Variants in SLC4A7 observed in about 807,000 individuals in gnomAD.
The protein encoded by SLC4A7 is solute carrier family 4 member 7.
SLC4A7 carries 51 observed loss-of-function variants against 137.6 expected under a neutral mutation model. The ratio of observed to expected loss-of-function variants is 0.37; its 90% CI spans 0.30 to 0.47. The LOEUF (loss-of-function observed/expected upper bound fraction) is 0.47, where lower values mean the gene tolerates loss of function less well. Among genes scored for constraint, SLC4A7 ranks in the 20% least tolerant of loss-of-function variants. The probability of loss-of-function intolerance (pLI) is 1.00; values close to 1 mark genes in which losing one functional copy is unlikely to be tolerated. For synonymous variants in SLC4A7, 542 were observed against 518.6 expected, an observed-to-expected ratio of 1.05 and a Z score of -0.61; for missense variants, 1,247 against 1,525.4, an observed-to-expected ratio of 0.82 and a Z score of 3.04.
chr3:27,460,950 A>G (rs780449554), intron 1 of SLC4A7, among the ~76,000 whole-genome samples: 9 of 152,228 alleles, frequency 5.9e-5, no homozygotes, highest in Non-Finnish European at 1.2e-4. Flanking sequence ...CCTTTACAAC[A>G]TGACTCAAGT....
chr3:27,404,333 CT>C (rs2053113735), intron 14 of SLC4A7, among the ~76,000 whole-genome samples: 1 of 152,182 alleles, frequency 6.6e-6, no homozygotes, highest in Non-Finnish European at 1.5e-5. Context: ...CACCACTGCA[CT>C]CCAGCCTGGG....
rs368828049 is a variant in SLC4A7, at chr3:27,440,635, G to A, written c.290-3109C>T. Among the ~76,000 whole-genome samples the A allele has an allele frequency of 1.1e-4, 16 of 152,188 alleles. No homozygotes were observed. The East Asian group carries it at 2.9e-3, about 28-fold the overall frequency. ...CCCAGCTACTCAGGAGGCTGAGGCA[G>A]GAGAATCACTTGAACCCAGGAGGCA... On this transcript the variant is annotated intron_variant, in intron 3 of 25. Coordinates refer to ENST00000454389, the MANE Select transcript of SLC4A7 (RefSeq NM_001321103.2).
chr3:27,376,863 T>C lies in SLC4A7; in HGVS notation c.3699-18A>G, dbSNP rs746108826. 1 of 1,277,966 alleles carries C rather than the reference T, an allele frequency of 7.8e-7. No homozygotes were observed. The highest frequency in any genetic ancestry group is 1.1e-6 in the Non-Finnish European group (1 of 927,132). The allele number at this position is 1,277,966 out of a possible 1,614,324, so 79.2% of individuals were successfully genotyped here. ...TATCAGGACTATTTAAAACAAAGAA[T>C]TAAAATAAATAATTTTAAAATATAA... is the stretch of plus-strand genomic sequence containing the variant. On this transcript the variant is annotated intron_variant, in intron 25 of 25. Coordinates refer to ENST00000454389, the MANE Select transcript of SLC4A7 (RefSeq NM_001321103.2).
chr3:27,446,891 T>G (rs1376265690), intron 3 of SLC4A7, among the ~76,000 whole-genome samples: 8 of 59,608 alleles, frequency 1.3e-4, no homozygotes, highest in Non-Finnish European at 1.9e-4. Context: ...TTTTGTTTTT[T>G]TTGTTTTTTT....
intron 1 of SLC4A7, chr3:27,456,941 G>A (rs1368053802): frequency 2.0e-6 from 2 of 984,826 alleles, no homozygotes; most frequent in Middle Eastern, 5.2e-4. Flanking sequence ...AAAATACCAA[G>A]AGGAATGCAG....
chr3:27,380,157 A>C (rs189644875), intron 24 of SLC4A7, among the ~76,000 whole-genome samples: 2 of 152,210 alleles, frequency 1.3e-5, no homozygotes, highest in Admixed American at 1.3e-4. Context: ...AAATATAAAA[A>C]TTAGCCGGGT....
chr3:27,389,862 A>G (rs1362498872), intron 22 of SLC4A7, 69 bp downstream of exon 22: 1 of 1,151,992 alleles, frequency 8.7e-7, no homozygotes, highest in African/African-American at 1.6e-5. Flanking sequence ...AATCAATTAT[A>G]AATATTAATA....
At chr3:27,394,808 A>T (rs1250245220) in intron 19 of SLC4A7, 39 bp from the exon 20 acceptor site, 1 of 1,592,080 alleles carries the variant, frequency 6.3e-7, no homozygotes, top group East Asian at 2.2e-5. Context: ...GTAAGTCTAA[A>T]TGGTTCCCTC....
intron 21 of SLC4A7, chr3:27,390,444 T>A (rs745555810): frequency 4.0e-5 from 7 of 175,184 alleles, no homozygotes; most frequent in African/African-American, 7.1e-5. Context: ...TTTGTAATGT[T>A]CATGACAAAA....
chr3:27,465,591 G>C (rs1221638916), intron 1 of SLC4A7, among the ~76,000 whole-genome samples: 1 of 151,666 alleles, frequency 6.6e-6, no homozygotes, highest in Non-Finnish European at 1.5e-5. Flanking sequence ...ATACTACACA[G>C]CTTAAAATTC....
intron 1 of SLC4A7, among the ~76,000 whole-genome samples, chr3:27,473,799 T>G (rs1049464549): frequency 6.6e-6 from 1 of 151,930 alleles, no homozygotes; most frequent in African/African-American, 2.4e-5. Context: ...TGAACATCTT[T>G]TAAGTTATCT....
intron 2 of SLC4A7, among the ~76,000 whole-genome samples, chr3:27,450,194 G>A (rs1332331571): frequency 6.6e-6 from 1 of 152,014 alleles, no homozygotes; most frequent in Non-Finnish European, 1.5e-5. Context: ...AAAACATACT[G>A]AACTATTTGT....
chr3:27,385,025 T>A (rs2050795653), intron 23 of SLC4A7, among the ~76,000 whole-genome samples: 1 of 152,196 alleles, frequency 6.6e-6, no homozygotes, highest in African/African-American at 2.4e-5. Flanking sequence ...AAATCTGGTG[T>A]CTTAATTCAA....
At chr3:27,474,938 T>G (rs576653318) in intron 1 of SLC4A7, among the ~76,000 whole-genome samples, 1 of 151,832 alleles carries the variant, frequency 6.6e-6, no homozygotes, top group Admixed American at 6.6e-5. Context: ...TGAAACCCCA[T>G]CTCTACTACA....
intron 7 of SLC4A7, among the ~76,000 whole-genome samples, chr3:27,425,230 C>A (rs1176702915): frequency 6.6e-6 from 1 of 151,648 alleles, no homozygotes; most frequent in African/African-American, 2.4e-5. Flanking sequence ...ATAAGCCGGG[C>A]GTGATGGCGT....
intron 3 of SLC4A7, among the ~76,000 whole-genome samples, chr3:27,443,248 T>C (rs1195239391): frequency 6.6e-6 from 1 of 151,948 alleles, no homozygotes; most frequent in African/African-American, 2.4e-5. Context: ...CAGGCTGGTG[T>C]CGAACTCCTG....
chr3:27,381,998 T>C (rs12715122), intron 24 of SLC4A7, among the ~76,000 whole-genome samples: 140,494 of 151,934 alleles, frequency 0.92, 65,067 homozygotes, highest in East Asian at 1. Context: ...ACCCAGGAGG[T>C]GGAAGTTGCA....
intron 23 of SLC4A7, 82 bp downstream of exon 23, chr3:27,385,810 A>C (rs1485768235): frequency 3.3e-6 from 3 of 916,458 alleles, no homozygotes; most frequent in Non-Finnish European, 4.9e-6. Context: ...GATTCATGTA[A>C]AGTGATTATA....
At chr3:27,473,705 C>CAAAAAA (rs747183440) in intron 1 of SLC4A7, among the ~76,000 whole-genome samples, 4 of 59,460 alleles carry the variant, frequency 6.7e-5, no homozygotes, top group Non-Finnish European at 8.6e-5. Flanking sequence ...GACCTCATGT[C>CAAAAAA]AAAAAAAAAA....
Sources: allele counts gnomAD v4.1 joint callset (sites outside exome capture counted in the v4.1 genomes callset), GRCh38; gene constraint gnomAD v4.1.1; transcripts MANE v1.5; gene names NCBI Gene and HGNC (gene_info 2026-07-23, HGNC 2026-07-21).